The following ARMC9 variants were observed in gnomAD, a reference collection of about 807,000 sequenced individuals.
The protein encoded by ARMC9 is lisH domain-containing protein ARMC9.
A neutral mutation model predicts 107.0 loss-of-function variants in ARMC9; 94 were observed. The observed-to-expected ratio is 0.88, with a 90% CI of 0.74 to 1.04. The LOEUF is 1.04. ARMC9 is among the 50% of genes least tolerant of loss of function. The pLI is 0.00. For synonymous variants in ARMC9, 380 were observed against 396.9 expected (o/e 0.96, Z 0.51); for missense variants, 942 against 1,030.1 (o/e 0.91, Z 1.17).
At chr2:231,298,859 G>A (rs2041544949) in intron 19 of ARMC9, among the ~76,000 whole-genome samples, 1 of 152,184 alleles carries the variant, frequency 6.6e-6, no homozygotes, top group South Asian at 2.1e-4. Context: ...ACCTGAACCT[G>A]GGAGGCGGAG....
chr2:231,227,535 C>T (rs2034765088), intron 7 of ARMC9, among the ~76,000 whole-genome samples: 1 of 152,198 alleles, frequency 6.6e-6, no homozygotes, highest in Admixed American at 6.5e-5. Context: ...GTTCCATGCG[C>T]CAGCACATTT....
At position 231,301,636 on chromosome 2, in the gene ARMC9, T is replaced by C. The variant is rs1257612022; in HGVS notation, c.1773+5383T>C. 3.3e-5 allele frequency among the ~76,000 whole-genome samples: 5 copies of C among 152,240 alleles called. No homozygotes were observed. In the East Asian group the frequency reaches 9.6e-4, roughly 29 times the overall value. On this transcript the variant is annotated intron_variant, in intron 19 of 24. Coordinates refer to ENST00000611582, the MANE Select transcript of ARMC9 (RefSeq NM_001352754.2). Reference sequence around the variant, plus strand: ...CATCATTACAAATGTTTTAAAGATATATTTTTTCTAATCTCTTTTGCCACA... The same window carrying C: ...CATCATTACAAATGTTTTAAAGATACATTTTTTCTAATCTCTTTTGCCACA...
At chr2:231,229,547 A>G (rs1197427383) in intron 7 of ARMC9, among the ~76,000 whole-genome samples, 1 of 152,236 alleles carries the variant, frequency 6.6e-6, no homozygotes, top group African/African-American at 2.4e-5. Flanking sequence ...GGATATAGAA[A>G]TAGTATCTTT....
At chr2:231,291,274 T>C in intron 17 of ARMC9, 79 bp from the exon 18 acceptor site, 1 of 1,138,582 alleles carries the variant, frequency 8.8e-7, no homozygotes, top group Non-Finnish European at 1.3e-6. Context: ...TTTTTTGGAT[T>C]AGATGAGATG....
intron 19 of ARMC9, among the ~76,000 whole-genome samples, chr2:231,318,288 G>T (rs2042813361): frequency 6.6e-6 from 1 of 152,036 alleles, no homozygotes. Flanking sequence ...CTGTTGATTG[G>T]GATGGAAATT....
chr2:231,363,074 G>C (rs1361641626), intron 23 of ARMC9, among the ~76,000 whole-genome samples: 5 of 152,352 alleles, frequency 3.3e-5, no homozygotes, highest in Middle Eastern at 3.4e-3. Context: ...AGTGTGCAAG[G>C]TATTCAGGAA....
intron 17 of ARMC9, among the ~76,000 whole-genome samples, chr2:231,290,377 A>G (rs949102592): frequency 2.0e-5 from 3 of 152,236 alleles, no homozygotes; most frequent in Non-Finnish European, 4.4e-5. Flanking sequence ...TGGCCTACAT[A>G]AAAAGAGAAC....
chr2:231,238,669 A>C (rs1382590915), intron 8 of ARMC9, among the ~76,000 whole-genome samples: 1 of 152,202 alleles, frequency 6.6e-6, no homozygotes, highest in Non-Finnish European at 1.5e-5. Flanking sequence ...ATGAATGTTG[A>C]AATTTTAATA....
At chr2:231,262,546 C>A in intron 12 of ARMC9, 148 bp downstream of exon 12, 2 of 761,412 alleles carry the variant, frequency 2.6e-6, no homozygotes, top group South Asian at 1.8e-5. Flanking sequence ...TGGGCATTGG[C>A]TTACTTTTTG....
At chr2:231,204,532 G>A (rs1281255636) in intron 1 of ARMC9, among the ~76,000 whole-genome samples, 8 of 152,146 alleles carry the variant, frequency 5.3e-5, no homozygotes, top group East Asian at 1.9e-4. Flanking sequence ...CTTTCCTTGC[G>A]CTGTTTTCTT....
intron 21 of ARMC9, among the ~76,000 whole-genome samples, chr2:231,351,695 T>C (rs2045087937): frequency 6.6e-6 from 1 of 152,162 alleles, no homozygotes; most frequent in African/African-American, 2.4e-5. Context: ...CTGTAAAAGA[T>C]GATTTAATGA....
intron 24 of ARMC9, among the ~76,000 whole-genome samples, chr2:231,370,414 C>T (rs181595765): frequency 9.2e-5 from 14 of 152,352 alleles, no homozygotes; most frequent in African/African-American, 2.9e-4. Flanking sequence ...GAGAGAGAAG[C>T]CCCTCCCCAC....
chr2:231,280,728 G>T (rs1335697221), intron 16 of ARMC9, among the ~76,000 whole-genome samples: 1 of 152,160 alleles, frequency 6.6e-6, no homozygotes, highest in Non-Finnish European at 1.5e-5. Flanking sequence ...TGCATCACAT[G>T]TGACAAAAGT....
intron 24 of ARMC9, chr2:231,370,661 C>G (rs1028659522): frequency 6.1e-6 from 1 of 163,230 alleles, no homozygotes; most frequent in African/African-American, 2.4e-5. Context: ...CCCAAGGGCC[C>G]CCACTCTCTC....
intron 5 of ARMC9, among the ~76,000 whole-genome samples, chr2:231,222,042 G>A (rs549607737): frequency 4.6e-5 from 7 of 152,078 alleles, no homozygotes; most frequent in South Asian, 2.1e-4. Context: ...TAGTGGCTTC[G>A]CTGCATTTTT....
At chr2:231,205,786 A>T (rs961826971) in intron 1 of ARMC9, among the ~76,000 whole-genome samples, 22 of 152,226 alleles carry the variant, frequency 1.4e-4, no homozygotes, top group African/African-American at 5.3e-4. Context: ...TTCTGGATGC[A>T]GTGGGAGGAT....
chr2:231,287,680 CAATCATGTCATGT>C (rs779839391), intron 17 of ARMC9, among the ~76,000 whole-genome samples: 9 of 152,088 alleles, frequency 5.9e-5, no homozygotes, highest in African/African-American at 1.9e-4. Flanking sequence ...TCATGTCATG[CAATCATGTCATGT>C]AATCATGTCA....
At position 231,219,799 on chromosome 2, in the gene ARMC9, T is replaced by G. The variant is rs2033920367; in HGVS notation, c.505-2929T>G. Among the ~76,000 whole-genome samples, 6 of 152,222 alleles carry G rather than the reference T, an allele frequency of 3.9e-5. No individual in the cohort carries two copies. In the South Asian group the frequency reaches 1.2e-3, roughly 32 times the overall value. On this transcript the variant is annotated intron_variant, in intron 5 of 24. Coordinates refer to ENST00000611582, the MANE Select transcript of ARMC9 (RefSeq NM_001352754.2). ...TGTCTTTTTTTTTCATTAAAAAAAT[T>G]GTAAAATACACATAACATAAAATTT...
chr2:231,245,018 C>T (rs1380772462), intron 9 of ARMC9, among the ~76,000 whole-genome samples: 1 of 152,234 alleles, frequency 6.6e-6, no homozygotes, highest in Non-Finnish European at 1.5e-5. Flanking sequence ...CTAGTTCACA[C>T]CCAGGTAGCT....
Sources: gnomAD v4.1 joint callset for allele counts (sites outside exome capture counted in the v4.1 genomes callset) on GRCh38, gnomAD v4.1.1 for gene constraint, MANE v1.5 for transcripts, NCBI Gene and HGNC (gene_info 2026-07-23, HGNC 2026-07-21) for gene names.